EXOC3L1: variants seen among roughly 807,000 people sequenced by gnomAD.
The protein encoded by EXOC3L1 is exocyst complex component 3-like protein.
In EXOC3L1, 79 loss-of-function variants were observed where a neutral mutation model predicts 83.6. The observed-to-expected ratio is 0.95, with a 90% CI of 0.79 to 1.14. EXOC3L1 has a LOEUF of 1.14. Among genes scored for constraint, EXOC3L1 ranks in the 50% most tolerant of loss-of-function variants. The probability of loss-of-function intolerance (pLI) is 0.00; values close to 1 mark genes in which losing one functional copy is unlikely to be tolerated. For synonymous variants in EXOC3L1, 433 were observed against 451.2 expected (o/e 0.96, Z 0.51); for missense variants, 945 against 972.0 (o/e 0.97, Z 0.37).
Position 67,184,576 on chromosome 16 carries a change from G to A in EXOC3L1, c.2059C>T (p.Leu687=). The A allele has an allele frequency of 6.4e-7, 1 of 1,564,338 alleles. No homozygotes were observed. The highest frequency in any genetic ancestry group is 8.6e-7 in the Non-Finnish European group (1 of 1,162,524). ...TGCTCCCGGGACAAGTCCCCGCGCA[G>A]GCCCAAGAGGGCGGAGACGTGGTCC... The part of the protein sequence containing the change: ...SEDHVSALLG[L]RGDLSREQHL... Residue 687 remains leucine (L), a synonymous_variant, in exon 14 of 14, where the codon CTG becomes TTG. Transcript: ENST00000314586.
intron 2 of EXOC3L1, among the ~76,000 whole-genome samples, 200 bp from the exon 3 acceptor site, chr16:67,189,380 G>A (rs546105057): frequency 2.0e-5 from 3 of 152,318 alleles, no homozygotes; most frequent in East Asian, 3.9e-4. Context: ...GGGTTCAAGC[G>A]ATTCTCCTGC....
intron 8 of EXOC3L1, 25 bp from the exon 9 acceptor site, chr16:67,186,372 G>C: frequency 1.3e-6 from 2 of 1,528,828 alleles, no homozygotes; most frequent in Non-Finnish European, 1.8e-6. Context: ...GGTGGCTCCT[G>C]GACTTGCTGC....
rs193048192 is a variant in EXOC3L1 at position 67,189,800 on chromosome 16, C to T, written c.-7-117G>A. 7 of 1,050,688 alleles carry T rather than the reference C, an allele frequency of 6.7e-6. No homozygotes were observed. The East Asian group carries it at 1.8e-4, about 27-fold the overall frequency. The allele number at this position is 1,050,688 out of a possible 1,614,324, so 65.1% of individuals were successfully genotyped here. ...GAGGAAGGAGGTTCTTCCCGGCCCC[C>T]TCGGGAAGTGAGAGGGAGCGGGTGT... On this transcript the variant is annotated intron_variant, in intron 1 of 13. Coordinates refer to ENST00000314586, the MANE Select transcript of EXOC3L1 (RefSeq NM_178516.4).
chr16:67,186,189 T>G (rs1330852068), intron 9 of EXOC3L1, 48 bp downstream of exon 9: 1 of 1,302,882 alleles, frequency 7.7e-7, no homozygotes, highest in Non-Finnish European at 1.1e-6. Flanking sequence ...TAATAGGTAC[T>G]CAATAGGGGG....
chr16:67,185,847 GAGGA>G (rs2032698257), intron 9 of EXOC3L1, among the ~76,000 whole-genome samples: 1 of 152,172 alleles, frequency 6.6e-6, no homozygotes, highest in African/African-American at 2.4e-5. Context: ...TACCACCCAA[GAGGA>G]AGGGAGTGTG....
rs374354242 is a variant in EXOC3L1 at position 67,184,876 on chromosome 16, C to T, written c.1905+26G>A. On this transcript the variant is annotated intron_variant, in intron 12 of 13. Coordinates refer to ENST00000314586, the MANE Select transcript of EXOC3L1 (RefSeq NM_178516.4). ...CCACCCAGCCACTGAGACTCTCGCC[C>T]GTCTGCCCGCCCAAGAAGCTCTCAC... The T allele has an allele frequency of 2.0e-5, 33 of 1,611,202 alleles. No homozygotes were observed. The African/African-American group carries it at 3.7e-4, about 18-fold the overall frequency.
Position 67,188,932 on chromosome 16 carries a change from C to T in EXOC3L1, c.216G>A (p.Met72Ile). 1.2e-6 allele frequency: 2 copies of T among 1,612,712 alleles called. 1 individual carries two copies. Among genetic ancestry groups the T allele is most frequent in the Middle Eastern group, 3.3e-4 (2 of 6,060 alleles). Residue 72 changes from methionine (M) to isoleucine (I), a missense_variant, in exon 4 of 14, where the codon ATG becomes ATA. By Grantham distance (10) the Met-to-Ile change is conservative (BLOSUM62 1). Transcript: ENST00000314586. The stretch of plus-strand genomic sequence containing the variant: ...TCTGCACGCCTTCCAGGTATGACTG[C>T]ATCACTGACTGTGGAAAGATGGAGC... ...CSLESRLKSV[M>I]QSYLEGVQTG...
chr16:67,187,105 A>G lies in EXOC3L1; in HGVS notation c.1074T>C (p.Pro358=). The G allele has an allele frequency of 1.2e-6, 2 of 1,613,554 alleles. No individual in the cohort carries two copies. The highest frequency in any genetic ancestry group is 8.5e-7 in the Non-Finnish European group (1 of 1,179,984). ...QEMMGSLELG[P]EADVSQLEPL... The stretch of plus-strand genomic sequence containing the variant: ...GCTCCAGCTGGGACACATCAGCCTC[A>G]GGCCCCAACTCCAGGCTCCCCATCA... Residue 358 remains proline, a synonymous_variant, in exon 6 of 14, where the codon CCT becomes CCC. Transcript: ENST00000314586.
intron 2 of EXOC3L1, 127 bp from the exon 3 acceptor site, chr16:67,189,307 C>T (rs941483788): frequency 8.1e-5 from 90 of 1,107,518 alleles, no homozygotes; most frequent in Non-Finnish European, 7.8e-5. Flanking sequence ...GATGGAGTCT[C>T]GCTCTGTTGC....
chr16:67,187,819 T>G lies in EXOC3L1; in HGVS notation c.446A>C (p.His149Pro). 1.2e-6 allele frequency: 2 copies of G among 1,600,382 alleles called. No individual in the cohort carries two copies. The highest frequency in any genetic ancestry group is 1.1e-5 in the South Asian group (1 of 90,054). Residue 149 changes from histidine (H) to proline (P), a missense_variant, in exon 5 of 14, where the codon CAC becomes CCC. Transcript: ENST00000314586. ...TTGGCCATCAATCAGAGTCTGTGTG[T>G]GGGACACTGCAGCCGGCACTAATGA... ...RLRAVPAAVS[H>P]TQTLIDGQQF... is the part of the protein sequence containing the mutation.
rs370454816 is a variant in EXOC3L1 at position 67,187,058 on chromosome 16, A to G, written c.1121T>C (p.Ile374Thr). ...CACAAATGTTGCCTCCAGCTGCTCA[A>G]TGTTCTCCAAGGTCAGAAGGGGCTC... ...QLEPLLTLEN[I>T]EQLEATFVAN... is the part of the protein sequence containing the mutation. The change falls in exon 6 of 14, where the codon ATT becomes ACT. Residue 374 changes from isoleucine (I) to threonine (T), a missense_variant. Coordinates refer to ENST00000314586, the MANE Select transcript of EXOC3L1 (RefSeq NM_178516.4). 4 of 1,613,686 alleles carry G rather than the reference A, an allele frequency of 2.5e-6. No homozygotes were observed. Among genetic ancestry groups the G allele is most frequent in the East Asian group, 2.2e-5 (1 of 44,868 alleles).
At chr16:67,189,230 C>G (rs752592919) in intron 2 of EXOC3L1, 50 bp from the exon 3 acceptor site, 3 of 1,488,848 alleles carry the variant, frequency 2.0e-6, no homozygotes, top group Non-Finnish European at 2.7e-6. Context: ...GAGGGCCCAA[C>G]GACCCCAGTC....
Position 67,187,018 on chromosome 16 carries a change from C to T in EXOC3L1, c.1158+3G>A. 6.2e-7 allele frequency: 1 copy of T among 1,613,666 alleles called. No homozygotes were observed. The highest frequency in any genetic ancestry group is 8.5e-7 in the Non-Finnish European group (1 of 1,180,000). On this transcript the variant is annotated splice_donor_region_variant and intron_variant, in intron 6 of 13. Transcript: ENST00000314586. ...TCTCTGGACCTGTGCCTCAACTACTCACCTGGATGTTGGCCACAAATGTTG... is the reference window on the plus strand; with the variant it reads ...TCTCTGGACCTGTGCCTCAACTACTTACCTGGATGTTGGCCACAAATGTTG...
chr16:67,186,228 T>C lies in EXOC3L1; in HGVS notation c.1496+9A>G. The C allele has an allele frequency of 6.4e-7, 1 of 1,558,416 alleles. No individual in the cohort carries two copies. Among genetic ancestry groups the C allele is most frequent in the African/African-American group, 1.4e-5 (1 of 73,486 alleles). The stretch of plus-strand genomic sequence containing the variant: ...GTGAAGGTGGGGTTCCCTGGGGGCC[T>C]TCTGGTACCTGAGTGCTGACTTGTG... On this transcript the variant is annotated intron_variant, in intron 9 of 13. Transcript: ENST00000314586.
rs748660786 is a variant in EXOC3L1 at position 67,184,658 on chromosome 16, C to A, written c.2030+28G>T. The A allele has an allele frequency of 6.3e-6, 10 of 1,579,314 alleles. No homozygotes were observed. The East Asian group carries it at 2.2e-4, about 36-fold the overall frequency. On this transcript the variant is annotated intron_variant, in intron 13 of 13. Coordinates refer to ENST00000314586, the MANE Select transcript of EXOC3L1 (RefSeq NM_178516.4). ...CCCCGTCCTCCCCGCCCTCCGGCTT[C>A]TCTTCCCTTCTGGCCCCCAGTCCGC...
At position 67,186,842 on chromosome 16, in the gene EXOC3L1, C is replaced by A. The variant is rs2032741022; in HGVS notation, c.1201G>T (p.Val401Leu). ...CCATGCTCCCGGCCCCACTCAGCTA[C>A]CTCCCCATCCAGTGCATTCTGCAGC... ...QWLQNALDGE[V>L]AEWGREHGPN... Residue 401 changes from valine (V) to leucine (L), a missense_variant, in exon 7 of 14, where the codon GTA (valine) becomes TTA (leucine). Val to Leu is a conservative substitution (Grantham distance 32). Coordinates refer to ENST00000314586, the MANE Select transcript of EXOC3L1 (RefSeq NM_178516.4). The A allele has an allele frequency of 6.2e-7, 1 of 1,613,596 alleles. No homozygotes were observed. The highest frequency in any genetic ancestry group is 1.1e-5 in the South Asian group (1 of 91,086).
At chr16:67,189,210 A>T (rs1255745504) in intron 2 of EXOC3L1, 30 bp from the exon 3 acceptor site, 1 of 1,558,074 alleles carries the variant, frequency 6.4e-7, no homozygotes. Context: ...GCAGCCGTGT[A>T]GTCAGGGAGG....
At position 67,186,569 on chromosome 16, in the gene EXOC3L1, G is replaced by A. The variant is rs913029236; in HGVS notation, c.1373C>T (p.Thr458Ile). 6.2e-7 allele frequency: 1 copy of A among 1,613,934 alleles called. No homozygotes were observed. Among genetic ancestry groups the A allele is most frequent in the African/African-American group, 1.3e-5 (1 of 75,048 alleles). ...VHGMALSELG[T>I]FLRSFSDALI... ...TGCCTCAGCAAACCTCCTCAAGAAT[G>A]TGCCCAGTTCTGACAGTGCCATGCC... The change falls in exon 8 of 14, where the codon ACA becomes ATA. Residue 458 changes from threonine to isoleucine, a missense_variant. Coordinates refer to ENST00000314586, the MANE Select transcript of EXOC3L1 (RefSeq NM_178516.4).
At chr16:67,189,751 C>T (rs934045844) in intron 1 of EXOC3L1, 68 bp from the exon 2 acceptor site, 5 of 1,495,288 alleles carry the variant, frequency 3.3e-6, no homozygotes, top group African/African-American at 2.8e-5. Flanking sequence ...TGAGCTGCTG[C>T]CTCTGTCTAA....
Sources: allele counts gnomAD v4.1 joint callset (sites outside exome capture counted in the v4.1 genomes callset), GRCh38; gene constraint gnomAD v4.1.1; transcripts MANE v1.5; gene names NCBI Gene and HGNC (gene_info 2026-07-23, HGNC 2026-07-21).